NUP214: variants seen among roughly 807,000 people sequenced by gnomAD.
The protein encoded by NUP214 is nuclear pore complex protein Nup214.
In NUP214, 79 loss-of-function variants were observed where a neutral mutation model predicts 196.2. The ratio of observed to expected loss-of-function variants is 0.40; its 90% CI spans 0.34 to 0.49. NUP214 has a LOEUF of 0.49. NUP214 is among the 20% of genes least tolerant of loss of function. The pLI, the probability that NUP214 is intolerant of heterozygous loss-of-function variation, is 0.58. For missense variants in NUP214, 2,468 were observed against 2,539.0 expected, an observed-to-expected ratio of 0.97 and a Z score of 0.60; for synonymous variants, 1,020 against 990.5, an observed-to-expected ratio of 1.03 and a Z score of -0.56.
At chr9:131,150,153 T>TGG in intron 14 of NUP214, 171 bp from the exon 15 acceptor site, 3 of 587,234 alleles carry the variant, frequency 5.1e-6, no homozygotes. Context: ...CTACCTGCAC[T>TGG]GTCTAGAACA....
At chr9:131,130,137 G>GTTTTGTTTTTTTTTTTTTTTTTTTTTT (rs1564176236) in intron 4 of NUP214, among the ~76,000 whole-genome samples, 6 of 76,894 alleles carry the variant, frequency 7.8e-5, no homozygotes, top group South Asian at 5.6e-4. Flanking sequence ...TTCTGGTTTT[G>GTTTTGTTTTTTTTTTTTTTTTTTTTTT]TTTTTTTTTT....
intron 21 of NUP214, among the ~76,000 whole-genome samples, chr9:131,170,095 C>A (rs1192454593): frequency 6.6e-6 from 1 of 151,904 alleles, no homozygotes; most frequent in Non-Finnish European, 1.5e-5. Context: ...CACGGTTATA[C>A]AACATTAGGA....
intron 24 of NUP214, among the ~76,000 whole-genome samples, chr9:131,180,100 C>T (rs1380986310): frequency 6.6e-6 from 1 of 152,172 alleles, no homozygotes; most frequent in East Asian, 1.9e-4. Context: ...CTGAGCTGAT[C>T]TTTGATGAAG....
At chr9:131,209,890 C>G (rs17533690) in intron 30 of NUP214, among the ~76,000 whole-genome samples, 7,561 of 152,220 alleles carry the variant, frequency 0.05, 253 homozygotes, top group Non-Finnish European at 0.069. Flanking sequence ...TTCTGGAACT[C>G]TTGTTTGAAA....
chr9:131,222,980 A>T, intron 32 of NUP214, 50 bp downstream of exon 32: 1 of 1,558,938 alleles, frequency 6.4e-7, no homozygotes, highest in Non-Finnish European at 8.8e-7. Flanking sequence ...GTATTTGTTT[A>T]TGCATAGATA....
chr9:131,167,094 G>GA (rs1247726588), intron 21 of NUP214: 1 of 152,118 alleles, frequency 6.6e-6, no homozygotes, highest in Non-Finnish European at 1.5e-5. Flanking sequence ...ACGTTGATTG[G>GA]ATCTAGGATC....
chr9:131,198,355 A>G lies in NUP214; in HGVS notation c.4861A>G (p.Thr1621Ala). 1.2e-6 allele frequency: 2 copies of G among 1,614,154 alleles called. No homozygotes were observed. The highest frequency in any genetic ancestry group is 1.7e-6 in the Non-Finnish European group (2 of 1,180,034). ...AAGTACCCCCATAGCCTCCAGCACCACGTCCATTGTTGCTCCCGGCCCATC... is the reference window on the plus strand; with the variant it reads ...AAGTACCCCCATAGCCTCCAGCACCGCGTCCATTGTTGCTCCCGGCCCATC... ...TSSTPIASST[T>A]SIVAPGPSAE... The change falls in exon 29 of 36, where the codon ACG becomes GCG. Residue 1621 changes from threonine to alanine, a missense_variant. Thr to Ala is a moderately conservative substitution (Grantham distance 58). Transcript: ENST00000359428.
chr9:131,211,187 G>A (rs897509712), intron 30 of NUP214, among the ~76,000 whole-genome samples: 3 of 152,100 alleles, frequency 2.0e-5, no homozygotes, highest in Non-Finnish European at 2.9e-5. Context: ...TTAATAAAAC[G>A]GTATAATTTC....
intron 31 of NUP214, among the ~76,000 whole-genome samples, chr9:131,217,467 C>T (rs1432502888): frequency 6.6e-6 from 1 of 152,166 alleles, no homozygotes; most frequent in Admixed American, 6.5e-5. Flanking sequence ...TCAGGAACTC[C>T]AAAACACACA....
intron 34 of NUP214, among the ~76,000 whole-genome samples, chr9:131,231,348 G>A (rs1182670987): frequency 6.6e-6 from 1 of 152,030 alleles, no homozygotes; most frequent in Non-Finnish European, 1.5e-5. Context: ...CCCGCCACCA[G>A]GCCCGGCTAA....
intron 9 of NUP214, among the ~76,000 whole-genome samples, chr9:131,138,788 C>T (rs1331960735): frequency 6.6e-6 from 1 of 152,172 alleles, no homozygotes; most frequent in African/African-American, 2.4e-5. Context: ...ATCTCTGTCT[C>T]TATAGACGAG....
chr9:131,169,842 G>A (rs1023020743), intron 21 of NUP214, among the ~76,000 whole-genome samples: 1 of 152,156 alleles, frequency 6.6e-6, no homozygotes, highest in Non-Finnish European at 1.5e-5. Context: ...CTGGTCTATG[G>A]TTGTAGTTTT....
At chr9:131,208,566 G>A (rs912139516) in intron 30 of NUP214, among the ~76,000 whole-genome samples, 2 of 152,080 alleles carry the variant, frequency 1.3e-5, no homozygotes, top group South Asian at 2.1e-4. Context: ...GCGTGGTGGC[G>A]GGTGCCTGTA....
In NUP214 at chr9:131,197,506, C is replaced by A; in HGVS notation, c.4012C>A (p.Arg1338=). The change falls in exon 29 of 36, where the codon CGG becomes AGG. Residue 1338 remains arginine, a synonymous_variant. Coordinates refer to ENST00000359428, the MANE Select transcript of NUP214 (RefSeq NM_005085.4). ...GETLGSFSGL[R]VGQADDSTKP... ...GACTCTGGGAAGTTTTTCAGGACTGCGGGTTGGCCAAGCAGATGATTCTAC... is the reference window on the plus strand; with the variant it reads ...GACTCTGGGAAGTTTTTCAGGACTGAGGGTTGGCCAAGCAGATGATTCTAC... 1 of 1,614,174 alleles carries A rather than the reference C, an allele frequency of 6.2e-7. No homozygotes were observed. Among genetic ancestry groups the A allele is most frequent in the Non-Finnish European group, 8.5e-7 (1 of 1,180,028 alleles).
intron 24 of NUP214, chr9:131,187,033 A>G (rs1437071768): frequency 2.3e-6 from 1 of 440,408 alleles, no homozygotes; most frequent in African/African-American, 2.0e-5. Flanking sequence ...CTGAATGGTT[A>G]CTAATTTTTT....
chr9:131,163,378 G>C, intron 19 of NUP214: 1 of 547,418 alleles, frequency 1.8e-6, no homozygotes, highest in Non-Finnish European at 3.2e-6. Context: ...GATTGTTGGA[G>C]AGTTAAATTA....
chr9:131,199,055 G>A (rs1564206951), intron 29 of NUP214, 40 bp downstream of exon 29: 6 of 1,537,488 alleles, frequency 3.9e-6, no homozygotes, highest in Middle Eastern at 2.0e-4. Flanking sequence ...TTCCCTCTCT[G>A]CTATTTGAAA....
intron 28 of NUP214, chr9:131,195,599 C>A (rs1209920139): frequency 6.6e-6 from 2 of 301,438 alleles, no homozygotes; most frequent in Non-Finnish European, 1.2e-5. Context: ...TTTAAAATTT[C>A]TTCAATTTAT....
chr9:131,204,970 A>C (rs764528226), intron 30 of NUP214, among the ~76,000 whole-genome samples: 12 of 152,212 alleles, frequency 7.9e-5, no homozygotes, highest in Non-Finnish European at 1.6e-4. Context: ...TGAAAGCCAG[A>C]ACTGGCCACC....
Sources: allele counts gnomAD v4.1 joint callset (sites outside exome capture counted in the v4.1 genomes callset), GRCh38; gene constraint gnomAD v4.1.1; transcripts MANE v1.5; gene names NCBI Gene and HGNC (gene_info 2026-07-23, HGNC 2026-07-21).